The following GIN1 variants were observed in gnomAD, a reference collection of about 807,000 sequenced individuals.
The protein encoded by GIN1 is gypsy retrotransposon integrase-like protein 1.
GIN1 carries 41 observed loss-of-function variants against 51.4 expected under a neutral mutation model. The observed-to-expected ratio is 0.80, with a 90% CI of 0.62 to 1.04. The LOEUF is 1.04. Ranked by LOEUF, GIN1 falls within the 50% of genes least tolerant of loss-of-function variation. The pLI is 0.00. For synonymous variants in GIN1, 222 were observed against 206.5 expected (o/e 1.07, Z -0.64); for missense variants, 610 against 612.4 (o/e 1.00, Z 0.04).
intron 7 of GIN1, among the ~76,000 whole-genome samples, chr5:103,095,399 T>C (rs1405196900): frequency 6.6e-6 from 1 of 152,120 alleles, no homozygotes. Flanking sequence ...TTGTTTAGAG[T>C]GCTGTCACCT....
At position 103,097,345 on chromosome 5, in the gene GIN1, AT is replaced by A; in HGVS notation, c.976del (p.Ile326Ter). On this transcript the variant is annotated frameshift_variant, in exon 6 of 8. Transcript: ENST00000399004. LOFTEE classifies it high-confidence loss of function. ...ILDAIKEADK[I>X]MENKTTSLGQ... ...CAGTGAAGTTGTCTTATTCTCCATT[AT>A]TTTATCAGCTTCTTTAATTGCATCT... 1 of 1,600,554 alleles carries A rather than the reference AT, an allele frequency of 6.2e-7. No homozygotes were observed. The highest frequency in any genetic ancestry group is 8.6e-7 in the Non-Finnish European group (1 of 1,168,688).
At chr5:103,113,940 T>C (rs1189365933) in intron 1 of GIN1, among the ~76,000 whole-genome samples, 1 of 152,248 alleles carries the variant, frequency 6.6e-6, no homozygotes, top group East Asian at 1.9e-4. Flanking sequence ...TCTGCCAGTA[T>C]ACAAGGCTTT....
chr5:103,092,764 A>G (rs1016414087), intron 7 of GIN1, among the ~76,000 whole-genome samples: 32 of 151,772 alleles, frequency 2.1e-4, no homozygotes, highest in African/African-American at 7.5e-4. Context: ...TGGGCAACAT[A>G]GTAAGACCCT....
Position 103,112,711 on chromosome 5 carries a change from T to C in GIN1, c.-7-3997A>G, listed in dbSNP as rs1430425205. ...CATGATCTCTGAATCTAAAGTGATC[T>C]TGACCTCTCCTAATCTTCTTTGTGC... On this transcript the variant is annotated intron_variant, in intron 1 of 7. Coordinates refer to ENST00000399004, the MANE Select transcript of GIN1 (RefSeq NM_017676.2). Among the ~76,000 whole-genome samples, 4 of 152,210 alleles carry C rather than the reference T, an allele frequency of 2.6e-5. No individual in the cohort carries two copies. The South Asian group carries it at 6.2e-4, about 24-fold the overall frequency.
At position 103,104,659 on chromosome 5, in the gene GIN1, A is replaced by G. The variant is rs369213955; in HGVS notation, c.521T>C (p.Ile174Thr). The G allele has an allele frequency of 1.2e-6, 2 of 1,611,430 alleles. No homozygotes were observed. The highest frequency in any genetic ancestry group is 2.7e-5 in the African/African-American group (2 of 74,886). ...MTDLFTKWIVILPLCDVSASE... is the reference protein window; with the variant it reads ...MTDLFTKWIVTLPLCDVSASE... ...TGCTGAAACATCACATAGAGGCAAA[A>G]TCACAATCCATTTGGTGAACAAATC... The change falls in exon 4 of 8, where the codon ATT (isoleucine) becomes ACT (threonine). Residue 174 changes from isoleucine (I) to threonine (T), a missense_variant. Ile to Thr is a moderately conservative substitution (Grantham distance 89). Coordinates refer to ENST00000399004, the MANE Select transcript of GIN1 (RefSeq NM_017676.2).
chr5:103,107,636 C>T (rs1414328623), intron 2 of GIN1, among the ~76,000 whole-genome samples: 1 of 152,030 alleles, frequency 6.6e-6, no homozygotes, highest in East Asian at 1.9e-4. Flanking sequence ...GATAAGCAAC[C>T]TAAGAGCAGG....
At position 103,088,310 on chromosome 5, in the gene GIN1, G is replaced by A. The variant is rs975365287; in HGVS notation, c.1295-138C>T. ...AGATTAACTTCTAGGGAGTTATACT[G>A]TCTACTAAATATGAATGTCAAAGAA... On this transcript the variant is annotated intron_variant, in intron 7 of 7. Transcript: ENST00000399004. The A allele has an allele frequency of 1.6e-5, 8 of 515,488 alleles. No individual in the cohort carries two copies. In the African/African-American group the frequency reaches 1.6e-4, roughly 10 times the overall value. The allele number at this position is 515,488 out of a possible 1,614,324, so 31.9% of individuals were successfully genotyped here. A position where few individuals can be genotyped will look rare whatever the true frequency, so the allele number is the denominator to read the frequency against.
rs1554196107 is a variant in GIN1 at position 103,104,763 on chromosome 5, TG to T, written c.416del (p.Pro139HisfsTer4). The stretch of plus-strand genomic sequence containing the variant: ...TCAGATCAACAGTAACTAAACTCCA[TG>T]GATTTTCCACCTTGAGAAGGTGCTG... The part of the protein sequence containing the change: ...PKQHLLKVEN[P>X]WSLVTVDLMG... On this transcript the variant is annotated frameshift_variant, in exon 4 of 8. Coordinates refer to ENST00000399004, the MANE Select transcript of GIN1 (RefSeq NM_017676.2). LOFTEE classifies it high-confidence loss of function. 1 of 1,612,110 alleles carries T rather than the reference TG, an allele frequency of 6.2e-7. No individual in the cohort carries two copies.
In GIN1 at chr5:103,097,582, G is replaced by C; in HGVS notation, c.831+8C>G. Reference sequence around the variant, plus strand: ...CTCAGAAGTACAGAATTATAAAAAGGCACATACCAAGTGAGTTACATTGAA... The same window carrying C: ...CTCAGAAGTACAGAATTATAAAAAGCCACATACCAAGTGAGTTACATTGAA... On this transcript the variant is annotated splice_region_variant and intron_variant, in intron 5 of 7. Coordinates refer to ENST00000399004, the MANE Select transcript of GIN1 (RefSeq NM_017676.2). 1 of 1,572,496 alleles carries C rather than the reference G, an allele frequency of 6.4e-7. No individual in the cohort carries two copies. Among genetic ancestry groups the C allele is most frequent in the Non-Finnish European group, 8.7e-7 (1 of 1,143,258 alleles).
Position 103,104,228 on chromosome 5 carries a change from T to A in GIN1, c.639+313A>T, listed in dbSNP as rs146464221. ...TCAGCCTCCTAAACTGTTGGGATTA[T>A]AGGCATGAGCCAGGCCCAACCAATC... On this transcript the variant is annotated intron_variant, in intron 4 of 7. Coordinates refer to ENST00000399004, the MANE Select transcript of GIN1 (RefSeq NM_017676.2). 3.2e-3 allele frequency among the ~76,000 whole-genome samples: 483 copies of A among 152,276 alleles called. 5 individuals are homozygous for A. The highest frequency in any genetic ancestry group is 0.011 in the African/African-American group (455 of 41,544).
chr5:103,110,210 A>AC (rs1787836945), intron 1 of GIN1, among the ~76,000 whole-genome samples: 1 of 150,870 alleles, frequency 6.6e-6, no homozygotes, highest in Admixed American at 6.6e-5. Flanking sequence ...CAAAAAAAAA[A>AC]CACTATCCTT....
chr5:103,105,987 T>A (rs1554196234), intron 3 of GIN1, among the ~76,000 whole-genome samples: 2 of 152,138 alleles, frequency 1.3e-5, no homozygotes, highest in African/African-American at 4.8e-5. Context: ...ACTCACAAAT[T>A]ATACTTATGA....
intron 1 of GIN1, among the ~76,000 whole-genome samples, chr5:103,117,941 GC>G (rs1788089967): frequency 1.3e-5 from 2 of 151,966 alleles, no homozygotes; most frequent in Admixed American, 6.6e-5. Context: ...GTTATCCTTA[GC>G]TTTTATAATA....
chr5:103,115,912 G>A (rs1554197335), intron 1 of GIN1, among the ~76,000 whole-genome samples: 2 of 152,072 alleles, frequency 1.3e-5, no homozygotes, highest in African/African-American at 4.8e-5. Flanking sequence ...TTCCAATAAA[G>A]ATATTATAGT....
intron 7 of GIN1, among the ~76,000 whole-genome samples, chr5:103,090,937 C>T (rs1345059807): frequency 6.6e-6 from 1 of 151,368 alleles, no homozygotes; most frequent in Non-Finnish European, 1.5e-5. Flanking sequence ...TCTTTTTCTT[C>T]TAAAAAAAGT....
intron 6 of GIN1, 97 bp downstream of exon 6, chr5:103,097,217 G>A: frequency 1.4e-6 from 1 of 711,474 alleles, no homozygotes. Context: ...AAGTATGTGT[G>A]TGTGTGTGCA....
chr5:103,109,738 A>C (rs1402019940), intron 1 of GIN1, among the ~76,000 whole-genome samples: 1 of 152,116 alleles, frequency 6.6e-6, no homozygotes, highest in Non-Finnish European at 1.5e-5. Flanking sequence ...TAAATACATG[A>C]TTTTTTTCAT....
chr5:103,086,255 T>TA lies in GIN1; in HGVS notation c.*1642dup, dbSNP rs1354387974. ...TCCCCTTTTATCAGAACACCAGTAA[T>TA]ACTGTATTAGAGCCCACCCTATTGA... On this transcript the variant is annotated 3_prime_UTR_variant, in exon 8 of 8. Transcript: ENST00000399004. 4 of 146,404 alleles carry TA rather than the reference T, an allele frequency of 2.7e-5. No homozygotes were observed. Among genetic ancestry groups the TA allele is most frequent in the Non-Finnish European group, 6.0e-5 (4 of 66,152 alleles). 9.1% of individuals were successfully genotyped at this position (146,404 alleles called of 1,614,324 possible). A position where few individuals can be genotyped will look rare whatever the true frequency, so the allele number is the denominator to read the frequency against.
At chr5:103,090,061 G>A (rs2151460382) in intron 7 of GIN1, among the ~76,000 whole-genome samples, 1 of 152,336 alleles carries the variant, frequency 6.6e-6, no homozygotes, top group South Asian at 2.1e-4. Flanking sequence ...AACCAATGCG[G>A]GCAGATCACT....
Sources: gnomAD v4.1 joint callset for allele counts (sites outside exome capture counted in the v4.1 genomes callset) on GRCh38, gnomAD v4.1.1 for gene constraint, MANE v1.5 for transcripts, NCBI Gene and HGNC (gene_info 2026-07-23, HGNC 2026-07-21) for gene names.